The following CFAP47 variants were observed in gnomAD, a reference collection of about 807,000 sequenced individuals.
CFAP47 encodes cilia and flagella associated protein 47.
CFAP47 carries 29 observed loss-of-function variants against 148.1 expected under a neutral mutation model. The observed-to-expected ratio is 0.20, with a 90% CI of 0.15 to 0.27. The LOEUF is 0.27. Among genes scored for constraint, CFAP47 ranks in the 10% least tolerant of loss-of-function variants. The pLI is 1.00. For synonymous variants in CFAP47, 664 were observed against 577.3 expected, an observed-to-expected ratio of 1.15 and a Z score of -2.15; for missense variants, 1,872 against 1,697.5, an observed-to-expected ratio of 1.10 and a Z score of -1.81.
chrX:35,956,579 T>C (rs1253733751), intron 8 of CFAP47, among the ~76,000 whole-genome samples: 1 of 111,854 alleles, frequency 8.9e-6, no homozygotes, highest in Non-Finnish European at 1.9e-5. Context: ...AAGGTCTCCA[T>C]AGGAGAGTAA....
chrX:36,099,516 A>G (rs1306174536), intron 31 of CFAP47, among the ~76,000 whole-genome samples: 6 of 106,018 alleles, frequency 5.7e-5, no homozygotes, highest in Non-Finnish European at 5.8e-5. Context: ...GTGTTCGGCC[A>G]CTTATTCTGC....
intron 51 of CFAP47, among the ~76,000 whole-genome samples, chrX:36,294,988 G>A (rs782122916): frequency 2.7e-5 from 3 of 111,327 alleles, no homozygotes; most frequent in South Asian, 7.5e-4. Context: ...TGTATTTCAC[G>A]GGATTAAATA....
chrX:36,184,528 A>G (rs1189181008), intron 40 of CFAP47, among the ~76,000 whole-genome samples: 3 of 112,231 alleles, frequency 2.7e-5, no homozygotes, highest in Non-Finnish European at 5.6e-5. Context: ...TAGGGGCTTC[A>G]TCATTAATCT....
At chrX:35,930,899 G>A (rs115642033) in intron 2 of CFAP47, among the ~76,000 whole-genome samples, 1,749 of 111,112 alleles carry the variant, frequency 0.016, 28 homozygotes, top group African/African-American at 0.051. Context: ...GCTTTCTATC[G>A]TTGACTTTCC....
At chrX:36,126,364 G>A (rs905102858) in intron 33 of CFAP47, among the ~76,000 whole-genome samples, 3 of 111,152 alleles carry the variant, frequency 2.7e-5, no homozygotes, top group Admixed American at 9.6e-5. Context: ...TTCTGTTCAC[G>A]TGATAGTTTG....
chrX:36,252,257 A>C (rs1319045111), intron 49 of CFAP47, among the ~76,000 whole-genome samples: 3 of 108,758 alleles, frequency 2.8e-5, no homozygotes, highest in Non-Finnish European at 5.7e-5. Flanking sequence ...ATCCCTGCTT[A>C]CCTCAACAAA....
chrX:35,961,688 T>C (rs1161567185), intron 8 of CFAP47, among the ~76,000 whole-genome samples: 1 of 111,435 alleles, frequency 9.0e-6, no homozygotes, highest in Non-Finnish European at 1.9e-5. Context: ...TTATTCCTGA[T>C]TTTAGCAAAG....
At chrX:36,276,384 A>G (rs1328709426) in intron 49 of CFAP47, among the ~76,000 whole-genome samples, 2 of 111,987 alleles carry the variant, frequency 1.8e-5, no homozygotes, top group Non-Finnish European at 3.8e-5. Flanking sequence ...AATGTTACCA[A>G]AGGTGTTAAG....
At chrX:36,161,793 C>T (rs1939434417) in intron 39 of CFAP47, among the ~76,000 whole-genome samples, 1 of 111,981 alleles carries the variant, frequency 8.9e-6, no homozygotes. Context: ...TTGGTAATTT[C>T]TTATCTTTCT....
intron 49 of CFAP47, among the ~76,000 whole-genome samples, chrX:36,271,314 T>C (rs73199345): frequency 0.11 from 12,037 of 111,415 alleles, 880 homozygotes; most frequent in African/African-American, 0.26. Context: ...CTGATGAAAT[T>C]CCAGTCATAC....
At chrX:36,316,728 T>C (rs1941436858) in intron 56 of CFAP47, among the ~76,000 whole-genome samples, 1 of 112,266 alleles carries the variant, frequency 8.9e-6, no homozygotes, top group African/African-American at 3.2e-5. Context: ...TTTTGTGACA[T>C]ACCCAACTTA....
At chrX:36,049,368 G>A (rs1356111720) in intron 26 of CFAP47, among the ~76,000 whole-genome samples, 2 of 109,493 alleles carry the variant, frequency 1.8e-5, no homozygotes, top group Non-Finnish European at 3.8e-5. Context: ...TAATTATATA[G>A]AAATTTTTAT....
chrX:36,027,049 T>C, intron 22 of CFAP47, among the ~76,000 whole-genome samples: 1 of 105,697 alleles, frequency 9.5e-6, no homozygotes, highest in Non-Finnish European at 1.9e-5. Flanking sequence ...GGTGTTCCAT[T>C]ATTTTATACT....
chrX:35,978,301 A>C, intron 15 of CFAP47, among the ~76,000 whole-genome samples: 1 of 111,362 alleles, frequency 9.0e-6, no homozygotes, highest in Non-Finnish European at 1.9e-5. Flanking sequence ...ACTAGGGAGG[A>C]ATGGGCTGGG....
At chrX:36,168,091 T>A (rs1331018579) in intron 39 of CFAP47, among the ~76,000 whole-genome samples, 2 of 111,681 alleles carry the variant, frequency 1.8e-5, no homozygotes, top group Admixed American at 9.5e-5. Flanking sequence ...AATTGGTTTG[T>A]GTTTTTGAAC....
chrX:36,307,898 T>C (rs2036091477), intron 55 of CFAP47, among the ~76,000 whole-genome samples: 1 of 111,847 alleles, frequency 8.9e-6, no homozygotes, highest in Non-Finnish European at 1.9e-5. Flanking sequence ...TATGCTTCTT[T>C]TTCAAAAATA....
At chrX:36,001,314 C>T (rs1936912039) in intron 20 of CFAP47, among the ~76,000 whole-genome samples, 2 of 111,582 alleles carry the variant, frequency 1.8e-5, no homozygotes, top group South Asian at 3.7e-4. Flanking sequence ...AGTCTCCTAG[C>T]TGTTCCGGGA....
At chrX:36,155,061 G>C in intron 37 of CFAP47, among the ~76,000 whole-genome samples, 1 of 110,766 alleles carries the variant, frequency 9.0e-6, no homozygotes, top group Admixed American at 9.7e-5. Context: ...TCAGTGTCTG[G>C]CAAGGGTCTG....
intron 49 of CFAP47, among the ~76,000 whole-genome samples, chrX:36,252,359 A>G (rs1366926891): frequency 9.1e-6 from 1 of 109,599 alleles, no homozygotes; most frequent in African/African-American, 3.3e-5. Context: ...TGCCTATGCT[A>G]TTAAAAAGCA....
Sources: gnomAD v4.1 joint callset for allele counts (sites outside exome capture counted in the v4.1 genomes callset) on GRCh38, gnomAD v4.1.1 for gene constraint, MANE v1.5 for transcripts, NCBI Gene and HGNC (gene_info 2026-07-23, HGNC 2026-07-21) for gene names.